The following ABLIM2 variants were observed in gnomAD, a reference collection of about 807,000 sequenced individuals.
ABLIM2 encodes actin binding LIM protein family member 2.
A neutral mutation model predicts 97.7 loss-of-function variants in ABLIM2; 53 were observed. That is an observed-to-expected ratio of 0.54 (90% confidence interval 0.44 to 0.68). The LOEUF is 0.68. Among genes scored for constraint, ABLIM2 ranks in the 30% least tolerant of loss-of-function variants. ABLIM2 has a pLI of 0.00. For synonymous variants in ABLIM2, 361 were observed against 345.8 expected (o/e 1.04, Z -0.49); for missense variants, 835 against 867.2 (o/e 0.96, Z 0.47).
chr4:8,090,573 C>T (rs1282083359), intron 3 of ABLIM2, among the ~76,000 whole-genome samples: 1 of 152,134 alleles, frequency 6.6e-6, no homozygotes, highest in Non-Finnish European at 1.5e-5. Flanking sequence ...AACATTCTTT[C>T]CACTGCAAAA....
At position 8,128,726 on chromosome 4, in the gene ABLIM2, G is replaced by T. The variant is rs1848885269; in HGVS notation, c.11-22089C>A. On this transcript the variant is annotated intron_variant, in intron 1 of 20. Coordinates refer to ENST00000447017, the MANE Select transcript of ABLIM2 (RefSeq NM_001130083.2). This position sits in a 1 kb window ranked among gnomAD's most constrained non-coding sequence, Gnocchi z 4.9. Reference sequence around the variant, plus strand: ...TGATATCCTAAACCCCAGTGTGACAGGATTTGGAGGCGGGACCTTTGGGAG... The same window carrying T: ...TGATATCCTAAACCCCAGTGTGACATGATTTGGAGGCGGGACCTTTGGGAG... 6.6e-6 allele frequency among the ~76,000 whole-genome samples: 1 copy of T among 152,212 alleles called. No individual in the cohort carries two copies. Among genetic ancestry groups the T allele is most frequent in the African/African-American group, 2.4e-5 (1 of 41,448 alleles).
intron 17 of ABLIM2, among the ~76,000 whole-genome samples, chr4:7,985,416 G>A (rs1370439648): frequency 2.6e-5 from 4 of 152,136 alleles, no homozygotes; most frequent in Admixed American, 6.5e-5. Flanking sequence ...TTCCCTGCAA[G>A]ATGGCCAAGG....
intron 2 of ABLIM2, 50 bp from the exon 3 acceptor site, chr4:8,097,332 A>G: frequency 1.9e-6 from 3 of 1,543,640 alleles, no homozygotes; most frequent in Non-Finnish European, 2.6e-6. Context: ...GACCATCTCC[A>G]CGTCCCCCAG....
chr4:8,044,952 T>C lies in ABLIM2; in HGVS notation c.900+212A>G, dbSNP rs982590616. Among the ~76,000 whole-genome samples, 6 of 152,196 alleles carry C rather than the reference T, an allele frequency of 3.9e-5. No homozygotes were observed. The highest frequency in any genetic ancestry group is 8.8e-5 in the Non-Finnish European group (6 of 68,034). On this transcript the variant is annotated intron_variant, in intron 9 of 20. Coordinates refer to ENST00000447017, the MANE Select transcript of ABLIM2 (RefSeq NM_001130083.2). This position sits in a 1 kb window ranked among gnomAD's most constrained non-coding sequence, Gnocchi z 4.4. ...AATTGGGGACAGGTTCCCAGGGGAA[T>C]TGCCGGGTCAAACAAACATGTCTGT...
At chr4:8,104,964 C>T (rs1836534770) in intron 2 of ABLIM2, among the ~76,000 whole-genome samples, 1 of 152,198 alleles carries the variant, frequency 6.6e-6, no homozygotes, top group Non-Finnish European at 1.5e-5. Flanking sequence ...CTCCTGCTCC[C>T]ACTCACACCC....
chr4:7,979,082 T>C (rs1735966524), intron 20 of ABLIM2, among the ~76,000 whole-genome samples: 1 of 152,248 alleles, frequency 6.6e-6, no homozygotes, highest in Non-Finnish European at 1.5e-5. Flanking sequence ...GCCAGCTTCC[T>C]AGCCAGTTCC....
rs1812030854 is a variant in ABLIM2 at position 8,071,494 on chromosome 4, G to A, written c.675+6134C>T. Among the ~76,000 whole-genome samples, 1 of 152,208 alleles carries A rather than the reference G, an allele frequency of 6.6e-6. No individual in the cohort carries two copies. Among genetic ancestry groups the A allele is most frequent in the Non-Finnish European group, 1.5e-5 (1 of 68,028 alleles). On this transcript the variant is annotated intron_variant, in intron 6 of 20. Transcript: ENST00000447017. The surrounding 1 kb of genome is among the most constrained non-coding windows in gnomAD (Gnocchi z 6.2). ...GGGCAGGCGGGCACTGCGGGCGCCA[G>A]CACTTAGGATGGCACCATGCCCACC...
intron 3 of ABLIM2, among the ~76,000 whole-genome samples, chr4:8,091,830 A>AC (rs1491458984): frequency 1.5e-5 from 1 of 68,042 alleles, no homozygotes; most frequent in East Asian, 3.4e-4. Flanking sequence ...TATATTATAT[A>AC]AATAATATAA....
rs145389095 is a variant in ABLIM2, at chr4:8,068,752, C to T, written c.676-7698G>A. 1.9e-4 allele frequency among the ~76,000 whole-genome samples: 29 copies of T among 152,372 alleles called. No individual in the cohort carries two copies. In the East Asian group the frequency reaches 5.6e-3, roughly 29 times the overall value. On this transcript the variant is annotated intron_variant, in intron 6 of 20. Transcript: ENST00000447017. This position sits in a 1 kb window ranked among gnomAD's most constrained non-coding sequence, Gnocchi z 4.5. ...GGGCTGGGCCTGCGGGCTGCACCTC[C>T]CTGCAGCAGGCAGCTCCCAGCAGCT... is the stretch of plus-strand genomic sequence containing the variant.
At position 8,101,610 on chromosome 4, in the gene ABLIM2, G is replaced by A. The variant is rs376804425; in HGVS notation, c.155-4328C>T. Among the ~76,000 whole-genome samples the A allele has an allele frequency of 3.3e-5, 5 of 152,242 alleles. No individual in the cohort carries two copies. The South Asian group carries it at 6.2e-4, about 19-fold the overall frequency. ...TGCGCAGCTCACGGGCTCTCCTCCC[G>A]GACACACGTCCTTCCCTCCCTGCCT... On this transcript the variant is annotated intron_variant, in intron 2 of 20. Coordinates refer to ENST00000447017, the MANE Select transcript of ABLIM2 (RefSeq NM_001130083.2).
At chr4:8,094,170 G>A (rs1830240056) in intron 3 of ABLIM2, among the ~76,000 whole-genome samples, 1 of 152,048 alleles carries the variant, frequency 6.6e-6, no homozygotes, top group Non-Finnish European at 1.5e-5. Context: ...AGTACCAGTG[G>A]TTTCTTTTTA....
rs1245280883 is a variant in ABLIM2, at chr4:8,061,492, A to T, written c.676-438T>A. 6.6e-6 allele frequency among the ~76,000 whole-genome samples: 1 copy of T among 152,136 alleles called. No homozygotes were observed. The highest frequency in any genetic ancestry group is 1.9e-4 in the East Asian group (1 of 5,206). ...AAGAATTAGGGGAGTGGGGTGAAAAAGGATGAATACTTTCCTTTTCACATC... is the reference window on the plus strand; with the variant it reads ...AAGAATTAGGGGAGTGGGGTGAAAATGGATGAATACTTTCCTTTTCACATC... On this transcript the variant is annotated intron_variant, in intron 6 of 20. Coordinates refer to ENST00000447017, the MANE Select transcript of ABLIM2 (RefSeq NM_001130083.2). This position sits in a 1 kb window ranked among gnomAD's most constrained non-coding sequence, Gnocchi z 4.5.
At chr4:7,985,171 G>A (rs1742738941) in intron 17 of ABLIM2, among the ~76,000 whole-genome samples, 1 of 152,204 alleles carries the variant, frequency 6.6e-6, no homozygotes, top group Non-Finnish European at 1.5e-5. Flanking sequence ...TGTGTGGACA[G>A]CTCCAACCCC....
intron 1 of ABLIM2, among the ~76,000 whole-genome samples, chr4:8,117,885 G>T (rs1057314057): frequency 2.6e-5 from 4 of 152,204 alleles, no homozygotes; most frequent in Admixed American, 2.6e-4. Context: ...AGAGATGATG[G>T]GTTGTCCCCA....
In ABLIM2 at chr4:8,054,137, G is replaced by A; in HGVS notation, c.822+51C>T. The A allele has an allele frequency of 6.3e-7, 1 of 1,583,146 alleles. No homozygotes were observed. On this transcript the variant is annotated intron_variant, in intron 8 of 20. Coordinates refer to ENST00000447017, the MANE Select transcript of ABLIM2 (RefSeq NM_001130083.2). This position sits in a 1 kb window ranked among gnomAD's most constrained non-coding sequence, Gnocchi z 4.9. Reference sequence around the variant, plus strand: ...AGTGTCCTCTTAACTGTACAAAGATGGTGCAGGAGCAGTGAAGGGTACATC... The same window carrying A: ...AGTGTCCTCTTAACTGTACAAAGATAGTGCAGGAGCAGTGAAGGGTACATC...
In ABLIM2 at chr4:8,155,209, G is replaced by A. The variant is rs995045247; in HGVS notation, c.10+3471C>T. ...ACAGATGGCTCATATTCCATCACTGGCTTCCACGGTTTGGTGGTTTCTAAC... is the reference window on the plus strand; with the variant it reads ...ACAGATGGCTCATATTCCATCACTGACTTCCACGGTTTGGTGGTTTCTAAC... On this transcript the variant is annotated intron_variant, in intron 1 of 20. Coordinates refer to ENST00000447017, the MANE Select transcript of ABLIM2 (RefSeq NM_001130083.2). This position sits in a 1 kb window ranked among gnomAD's most constrained non-coding sequence, Gnocchi z 4.2. Among the ~76,000 whole-genome samples, 2 of 152,196 alleles carry A rather than the reference G, an allele frequency of 1.3e-5. No homozygotes were observed. Among genetic ancestry groups the A allele is most frequent in the Non-Finnish European group, 2.9e-5 (2 of 68,042 alleles).
chr4:8,157,064 C>T (rs910303322), intron 1 of ABLIM2, among the ~76,000 whole-genome samples: 1 of 152,178 alleles, frequency 6.6e-6, no homozygotes, highest in African/African-American at 2.4e-5. Flanking sequence ...TTGTCCCCTC[C>T]AGGCAACCAA....
intron 17 of ABLIM2, among the ~76,000 whole-genome samples, chr4:7,987,251 T>C (rs1472629642): frequency 6.6e-6 from 1 of 152,064 alleles, no homozygotes; most frequent in African/African-American, 2.4e-5. Flanking sequence ...GCACTGGGAT[T>C]ACAGGTATGA....
chr4:8,041,418 G>T (rs1579510748), intron 9 of ABLIM2: 1 of 152,166 alleles, frequency 6.6e-6, no homozygotes, highest in African/African-American at 2.4e-5. Flanking sequence ...TGAGCAGCAG[G>T]GTCTCCTGGA....
Sources: allele counts gnomAD v4.1 joint callset (sites outside exome capture counted in the v4.1 genomes callset), GRCh38; gene constraint gnomAD v4.1.1; non-coding constraint Gnocchi (gnomAD v3.1); transcripts MANE v1.5; gene names NCBI Gene and HGNC (gene_info 2026-07-23, HGNC 2026-07-21).